Variants in WWP2 observed in about 807,000 individuals in gnomAD.
WWP2 encodes the protein WW domain containing E3 ubiquitin protein ligase 2, also known as NEDD4-like E3 ubiquitin-protein ligase WWP2.
WWP2 carries 57 observed loss-of-function variants against 121.0 expected under a neutral mutation model. The observed-to-expected ratio is 0.47, with a 90% CI of 0.38 to 0.59. The LOEUF (loss-of-function observed/expected upper bound fraction) is 0.59. Among genes scored for constraint, WWP2 ranks in the 20% least tolerant of loss-of-function variants. WWP2 has a pLI of 0.00. For synonymous variants in WWP2, 449 were observed against 441.3 expected (o/e 1.02, Z -0.22); for missense variants, 962 against 1,158.9 (o/e 0.83, Z 2.47).
chr16:69,820,718 C>A (rs1292720417), intron 4 of WWP2, among the ~76,000 whole-genome samples: 2 of 89,190 alleles, frequency 2.2e-5, no homozygotes, highest in Admixed American at 1.3e-4. Flanking sequence ...TTATTTTTCT[C>A]ATTCATTGTC....
At chr16:69,869,480 A>C (rs2057591506) in intron 6 of WWP2, among the ~76,000 whole-genome samples, 2 of 150,912 alleles carry the variant, frequency 1.3e-5, no homozygotes. Context: ...AGTACCTGGG[A>C]CCACAGGGGC....
chr16:69,763,768 C>T (rs750680120), intron 1 of WWP2, among the ~76,000 whole-genome samples: 4 of 152,186 alleles, frequency 2.6e-5, no homozygotes, highest in Admixed American at 6.5e-5. Context: ...GGCTGCTAGC[C>T]TAGTGCCTGG....
intron 2 of WWP2, among the ~76,000 whole-genome samples, chr16:69,792,434 C>T (rs1196146471): frequency 6.6e-6 from 1 of 151,478 alleles, no homozygotes; most frequent in Non-Finnish European, 1.5e-5. Context: ...CTAAATCTCA[C>T]ATAAAGTCGT....
chr16:69,888,507 T>A (rs1481494309), intron 8 of WWP2, among the ~76,000 whole-genome samples: 4 of 152,200 alleles, frequency 2.6e-5, no homozygotes, highest in Non-Finnish European at 5.9e-5. Flanking sequence ...AGAGTGTGGC[T>A]TTTACGGAAC....
At chr16:69,817,273 C>T (rs1028249056) in intron 4 of WWP2, among the ~76,000 whole-genome samples, 1 of 152,112 alleles carries the variant, frequency 6.6e-6, no homozygotes, top group Admixed American at 6.6e-5. Context: ...TTTTTTGAGA[C>T]AGTCTCATGC....
In WWP2 at chr16:69,915,817, T is replaced by G. The variant is rs555976676; in HGVS notation, c.1005-1892T>G. Among the ~76,000 whole-genome samples, 6 of 152,196 alleles carry G rather than the reference T, an allele frequency of 3.9e-5. No homozygotes were observed. In the South Asian group the frequency reaches 1.0e-3, roughly 26 times the overall value. ...GGGAGGCTGAGGCGAGAGGATTGCT[T>G]GAGCCCAGGAGTTTGAGACTAGCCT... On this transcript the variant is annotated intron_variant, in intron 9 of 23. Transcript: ENST00000359154.
At position 69,925,806 on chromosome 16, in the gene WWP2, C is replaced by T. The variant is rs1014745945; in HGVS notation, c.1234+322C>T. 6.6e-6 allele frequency among the ~76,000 whole-genome samples: 1 copy of T among 152,160 alleles called. No individual in the cohort carries two copies. Among genetic ancestry groups the T allele is most frequent in the Non-Finnish European group, 1.5e-5 (1 of 68,020 alleles). On this transcript the variant is annotated intron_variant, in intron 11 of 23. Coordinates refer to ENST00000359154, the MANE Select transcript of WWP2 (RefSeq NM_001270454.2). This position sits in a 1 kb window ranked among gnomAD's most constrained non-coding sequence, Gnocchi z 4.0. ...GTTTCAAGGTGTCTACTCAAGAGTC[C>T]ATGCTACCACTAAGATATTTTGACA... is the stretch of plus-strand genomic sequence containing the variant.
intron 4 of WWP2, among the ~76,000 whole-genome samples, chr16:69,819,413 C>G (rs1223452353): frequency 6.6e-6 from 1 of 152,174 alleles, no homozygotes; most frequent in East Asian, 1.9e-4. Context: ...CTTTCCAGAT[C>G]CCTCGGGCCA....
intron 10 of WWP2, among the ~76,000 whole-genome samples, chr16:69,920,693 G>A (rs1218666133): frequency 6.6e-6 from 1 of 152,068 alleles, no homozygotes; most frequent in African/African-American, 2.4e-5. Context: ...ACTGGCGGGT[G>A]GGAGGATCAC....
At chr16:69,783,735 C>T (rs2055715073) in intron 1 of WWP2, among the ~76,000 whole-genome samples, 2 of 151,834 alleles carry the variant, frequency 1.3e-5, no homozygotes, top group South Asian at 2.1e-4. Context: ...AGCTTGAAGC[C>T]AGGAGTTTGA....
intron 4 of WWP2, among the ~76,000 whole-genome samples, chr16:69,800,737 G>A (rs920121333): frequency 1.3e-5 from 2 of 150,954 alleles, no homozygotes; most frequent in African/African-American, 4.9e-5. Context: ...GCTAATTTTT[G>A]TATTTTTAGT....
At chr16:69,806,031 T>C (rs1197248499) in intron 4 of WWP2, among the ~76,000 whole-genome samples, 1 of 151,864 alleles carries the variant, frequency 6.6e-6, no homozygotes, top group Admixed American at 6.6e-5. Context: ...ACCCTGTCTC[T>C]ACTAAAAATT....
In WWP2 at chr16:69,940,114, C is replaced by T; in HGVS notation, c.*174C>T. 5.0e-6 allele frequency: 3 copies of T among 605,668 alleles called. No individual in the cohort carries two copies. The highest frequency in any genetic ancestry group is 4.2e-5 in the South Asian group (2 of 48,188). The allele number at this position is 605,668 out of a possible 1,614,324, so 37.5% of individuals were successfully genotyped here. On this transcript the variant is annotated 3_prime_UTR_variant, in exon 24 of 24. Transcript: ENST00000359154. ...CCTGATCCCAGGAGGCCCTGCAGTT[C>T]CCCCGACCCGCGGATGGCAGTCTGG... is the stretch of plus-strand genomic sequence containing the variant.
chr16:69,869,108 G>A (rs925313737), intron 6 of WWP2, among the ~76,000 whole-genome samples: 4 of 151,922 alleles, frequency 2.6e-5, no homozygotes, highest in South Asian at 4.2e-4. Context: ...GGCTGGTCTC[G>A]AACTCCTGAC....
intron 7 of WWP2, among the ~76,000 whole-genome samples, chr16:69,882,234 G>A (rs2057844248): frequency 1.3e-5 from 2 of 152,224 alleles, no homozygotes; most frequent in Non-Finnish European, 1.5e-5. Flanking sequence ...GGGATTATAG[G>A]TGTGAACCAC....
chr16:69,817,941 A>G (rs555493438), intron 4 of WWP2, among the ~76,000 whole-genome samples: 10 of 150,350 alleles, frequency 6.7e-5, no homozygotes, highest in Non-Finnish European at 1.5e-4. Context: ...TTTTTTCCCT[A>G]CAGTAAATTC....
Position 69,842,047 on chromosome 16 carries a change from T to G in WWP2, c.502T>G (p.Ser168Ala), listed in dbSNP as rs887750271. ...AGGATCACAGCTGCCTTCGAGAGAC[T>G]CCAGTGGAACAGCAGTAGCTCCAGA... ...TDGSQLPSRD[S>A]SGTAVAPENR... The change falls in exon 6 of 24, where the codon TCC (serine) becomes GCC (alanine). Residue 168 changes from serine (S) to alanine (A), a missense_variant. By Grantham distance (99) the Ser-to-Ala change is moderately conservative. Coordinates refer to ENST00000359154, the MANE Select transcript of WWP2 (RefSeq NM_001270454.2). The G allele has an allele frequency of 1.2e-6, 2 of 1,613,332 alleles. No individual in the cohort carries two copies. Among genetic ancestry groups the G allele is most frequent in the Admixed American group, 1.7e-5 (1 of 59,958 alleles).
At chr16:69,847,029 G>T (rs2057094034) in intron 6 of WWP2, among the ~76,000 whole-genome samples, 1 of 152,016 alleles carries the variant, frequency 6.6e-6, no homozygotes, top group South Asian at 2.1e-4. Flanking sequence ...AAGTAGCTGG[G>T]ACTACAGGTG....
At chr16:69,791,166 C>T (rs2055901388) in intron 2 of WWP2, among the ~76,000 whole-genome samples, 1 of 152,030 alleles carries the variant, frequency 6.6e-6, no homozygotes, top group Admixed American at 6.6e-5. Context: ...TGGTAACATC[C>T]TGAGGTCTCT....
Sources: gnomAD v4.1 joint callset for allele counts (sites outside exome capture counted in the v4.1 genomes callset) on GRCh38, gnomAD v4.1.1 for gene constraint, Gnocchi (gnomAD v3.1) non-coding constraint, MANE v1.5 for transcripts, NCBI Gene and HGNC (gene_info 2026-07-23, HGNC 2026-07-21) for gene names.